The following GLIS3 variants were observed in gnomAD, a reference collection of about 807,000 sequenced individuals.
GLIS3 encodes zinc finger protein GLIS3.
A neutral mutation model predicts 78.6 loss-of-function variants in GLIS3; 53 were observed. The observed-to-expected ratio is 0.67, with a 90% CI of 0.54 to 0.85. The LOEUF is 0.85. Ranked by LOEUF, GLIS3 falls within the 40% of genes least tolerant of loss-of-function variation. The pLI, the probability that GLIS3 is intolerant of heterozygous loss-of-function variation, is 0.00. For synonymous variants in GLIS3, 684 were observed against 509.9 expected, an observed-to-expected ratio of 1.34 and a Z score of -4.60; for missense variants, 1,703 against 1,231.1, an observed-to-expected ratio of 1.38 and a Z score of -5.74.
the GLIS3 span, among the ~76,000 whole-genome samples, chr9:4,376,748 A>T: frequency 7.4e-6 from 1 of 136,044 alleles, no homozygotes; most frequent in African/African-American, 2.6e-5. Context: ...TAACCTATCA[A>T]ATATGAGAAA....
At chr9:4,225,735 G>C (rs535094750) in intron 2 of GLIS3, among the ~76,000 whole-genome samples, 1 of 152,300 alleles carries the variant, frequency 6.6e-6, no homozygotes, top group African/African-American at 2.4e-5. Context: ...CATTGCTAAT[G>C]TATGAGAGGG....
the GLIS3 span, among the ~76,000 whole-genome samples, chr9:4,379,089 C>A: frequency 6.6e-6 from 1 of 152,158 alleles, no homozygotes; most frequent in Non-Finnish European, 1.5e-5. Flanking sequence ...TCGGCCGTGT[C>A]GTTATGTTAT....
At chr9:4,187,906 T>A (rs1431585285) in intron 2 of GLIS3, among the ~76,000 whole-genome samples, 1 of 151,930 alleles carries the variant, frequency 6.6e-6, no homozygotes, top group Non-Finnish European at 1.5e-5. Context: ...GCGGAGACCA[T>A]GGGGTTTTCT....
intron 6 of GLIS3, among the ~76,000 whole-genome samples, chr9:3,913,497 A>G (rs1023958644): frequency 1.3e-5 from 2 of 152,128 alleles, no homozygotes; most frequent in African/African-American, 4.8e-5. Flanking sequence ...GAGCCAAGAC[A>G]TTCCTGTAAT....
chr9:4,382,068 C>T, the GLIS3 span, among the ~76,000 whole-genome samples: 10 of 152,308 alleles, frequency 6.6e-5, no homozygotes, highest in African/African-American at 1.9e-4. Flanking sequence ...ATACTAATCT[C>T]GGAATGTCAC....
intron 6 of GLIS3, among the ~76,000 whole-genome samples, chr9:3,915,524 G>C (rs1824451573): frequency 6.6e-6 from 1 of 152,092 alleles, no homozygotes. Flanking sequence ...CTAAGTTAGA[G>C]GACTGGATAA....
intron 9 of GLIS3, among the ~76,000 whole-genome samples, chr9:3,832,146 G>A (rs541840136): frequency 4.3e-4 from 65 of 150,286 alleles, no homozygotes; most frequent in Non-Finnish European, 7.5e-4. Flanking sequence ...ATCATACTGC[G>A]TTATAAAGAT....
intron 1 of GLIS3, among the ~76,000 whole-genome samples, chr9:4,295,781 G>T (rs1366923089): frequency 3.9e-5 from 6 of 152,186 alleles, no homozygotes. Context: ...CATCTCAATA[G>T]AAAATTTGGC....
intron 6 of GLIS3, among the ~76,000 whole-genome samples, chr9:3,925,606 C>CGTGT (rs200777823): frequency 2.1e-4 from 32 of 151,362 alleles, no homozygotes; most frequent in Middle Eastern, 6.8e-3. Context: ...CGTGTGCGCG[C>CGTGT]GTGTGTGTGT....
intron 9 of GLIS3, chr9:3,855,419 C>G (rs1216431143): frequency 6.4e-6 from 1 of 156,100 alleles, no homozygotes. Flanking sequence ...AAAATGCTCA[C>G]AAAGAAGTCT....
chr9:3,890,133 G>A (rs10758529), intron 7 of GLIS3, among the ~76,000 whole-genome samples: 2,378 of 152,032 alleles, frequency 0.016, 58 homozygotes, highest in African/African-American at 0.055. Flanking sequence ...CATTGGCCGA[G>A]GCCATCAATC....
chr9:3,961,877 C>T (rs1817579548), intron 4 of GLIS3, among the ~76,000 whole-genome samples: 1 of 152,086 alleles, frequency 6.6e-6, no homozygotes, highest in African/African-American at 2.4e-5. Context: ...TAGTTATGAT[C>T]ACAAAGTATC....
chr9:3,984,753 C>G (rs935954237), intron 4 of GLIS3, among the ~76,000 whole-genome samples: 5 of 152,320 alleles, frequency 3.3e-5, no homozygotes, highest in African/African-American at 1.2e-4. Flanking sequence ...CAAATCTCAT[C>G]TTGAATGGTA....
At chr9:4,405,978 C>T in the GLIS3 span, among the ~76,000 whole-genome samples, 2 of 152,170 alleles carry the variant, frequency 1.3e-5, no homozygotes, top group African/African-American at 4.8e-5. Context: ...ATGATCATTT[C>T]AATGGATGCT....
At position 4,173,859 on chromosome 9, in the gene GLIS3, T is replaced by C. The variant is rs1564150211; in HGVS notation, c.389-47918A>G. 3.9e-5 allele frequency among the ~76,000 whole-genome samples: 6 copies of C among 152,078 alleles called. 1 individual carries two copies. The South Asian group carries it at 1.2e-3, about 32-fold the overall frequency. Reference sequence around the variant, plus strand: ...AAATCTTTTCTTCAAATGATTTATGTTCTTGGGCCTTTAGCTAAAGAAGAC... The same window carrying C: ...AAATCTTTTCTTCAAATGATTTATGCTCTTGGGCCTTTAGCTAAAGAAGAC... On this transcript the variant is annotated intron_variant, in intron 2 of 10. Transcript: ENST00000381971.
chr9:4,463,845 G>T, the GLIS3 span, among the ~76,000 whole-genome samples: 1 of 152,314 alleles, frequency 6.6e-6, no homozygotes, highest in East Asian at 1.9e-4. Context: ...GAGTGCAGGA[G>T]TGCAGGCAGT....
chr9:4,479,727 G>C, the GLIS3 span, among the ~76,000 whole-genome samples: 1 of 151,978 alleles, frequency 6.6e-6, no homozygotes, highest in Non-Finnish European at 1.5e-5. Context: ...TTAGGAAGGG[G>C]CAACCTGGGA....
At chr9:3,965,899 G>A (rs865967862) in intron 4 of GLIS3, among the ~76,000 whole-genome samples, 2 of 152,208 alleles carry the variant, frequency 1.3e-5, no homozygotes, top group Admixed American at 1.3e-4. Context: ...TATAACCACT[G>A]TGTAGGCACA....
At chr9:4,453,376 C>T in the GLIS3 span, among the ~76,000 whole-genome samples, 3 of 145,016 alleles carry the variant, frequency 2.1e-5, no homozygotes, top group Non-Finnish European at 4.5e-5. Flanking sequence ...AAAAAACTAC[C>T]ATCAGAATGA....
Sources: gnomAD v4.1 joint callset for allele counts (sites outside exome capture counted in the v4.1 genomes callset) on GRCh38, gnomAD v4.1.1 for gene constraint, MANE v1.5 for transcripts, NCBI Gene and HGNC (gene_info 2026-07-23, HGNC 2026-07-21) for gene names.